SAMSN1: variants seen among roughly 807,000 people sequenced by gnomAD.
The protein encoded by SAMSN1 is SAM domain-containing protein SAMSN-1.
In SAMSN1, 31 loss-of-function variants were observed where a neutral mutation model predicts 42.0. The observed-to-expected ratio is 0.74, with a 90% confidence interval of 0.55 to 1.00. The LOEUF (loss-of-function observed/expected upper bound fraction) is 1.00, where lower values mean the gene tolerates loss of function less well. Ranked by LOEUF, SAMSN1 falls within the 50% of genes least tolerant of loss-of-function variation. The pLI is 0.00. For missense variants in SAMSN1, 464 were observed against 439.4 expected, an observed-to-expected ratio of 1.06 and a Z score of -0.50; for synonymous variants, 178 against 151.9, an observed-to-expected ratio of 1.17 and a Z score of -1.26.
At chr21:14,626,847 A>G (rs1983190306) in intron 2 of SAMSN1, among the ~76,000 whole-genome samples, 1 of 152,224 alleles carries the variant, frequency 6.6e-6, no homozygotes, top group Non-Finnish European at 1.5e-5. Context: ...TTGTGGCACT[A>G]TTCACAATAG....
chr21:14,521,090 C>T, intron 2 of SAMSN1, 60 bp downstream of exon 2: 2 of 1,067,198 alleles, frequency 1.9e-6, no homozygotes, highest in South Asian at 2.9e-5. Context: ...GTGACATTGT[C>T]TTCATAATAT....
At chr21:14,642,077 A>G (rs1983610564) in intron 2 of SAMSN1, among the ~76,000 whole-genome samples, 1 of 152,244 alleles carries the variant, frequency 6.6e-6, no homozygotes, top group African/African-American at 2.4e-5. Flanking sequence ...GTGGATCATC[A>G]TAAAGGTCTT....
chr21:14,580,330 A>G (rs2123240939), intron 2 of SAMSN1, among the ~76,000 whole-genome samples: 1 of 152,338 alleles, frequency 6.6e-6, no homozygotes, highest in Non-Finnish European at 1.5e-5. Context: ...CAGACTGATG[A>G]AATCCAGAAA....
chr21:14,494,223 G>GTA (rs1986814611), intron 7 of SAMSN1, among the ~76,000 whole-genome samples: 1 of 152,018 alleles, frequency 6.6e-6, no homozygotes, highest in East Asian at 1.9e-4. Flanking sequence ...TATACCCAAA[G>GTA]GATTATAAAT....
chr21:14,527,771 A>C (rs999484526), intron 1 of SAMSN1, among the ~76,000 whole-genome samples: 1 of 151,590 alleles, frequency 6.6e-6, no homozygotes, highest in Non-Finnish European at 1.5e-5. Context: ...AAAAAAAAAA[A>C]AAAAAAAAAA....
intron 5 of SAMSN1, chr21:14,602,181 T>C (rs1028078739): frequency 3.0e-5 from 13 of 432,762 alleles, no homozygotes; most frequent in Non-Finnish European, 3.9e-5. Flanking sequence ...AACACTCATG[T>C]TTTTATTTAG....
At chr21:14,511,910 G>C (rs1220066184) in intron 4 of SAMSN1, among the ~76,000 whole-genome samples, 1 of 151,902 alleles carries the variant, frequency 6.6e-6, no homozygotes, top group Middle Eastern at 3.2e-3. Flanking sequence ...ATTAATGCTG[G>C]GTTAAGATCT....
rs961764537 is a variant in SAMSN1, at chr21:14,644,430, A to G, written c.25-1297T>C. Among the ~76,000 whole-genome samples the G allele has an allele frequency of 1.6e-4, 24 of 151,940 alleles. 1 individual carries two copies. Among genetic ancestry groups the G allele is most frequent in the Non-Finnish European group, 3.2e-4 (22 of 67,942 alleles). On this transcript the variant is annotated intron_variant, in intron 1 of 15. Transcript: ENST00000647101. ...CTAGGCAACCTTGGGCCAGAAGGAA[A>G]CCGCTGCCCTGAAGGAAAGGGTTCA...
intron 2 of SAMSN1, among the ~76,000 whole-genome samples, chr21:14,624,449 T>A (rs1983107235): frequency 6.6e-6 from 1 of 151,900 alleles, no homozygotes; most frequent in Non-Finnish European, 1.5e-5. Flanking sequence ...GGGGATATCA[T>A]CACCAATCCC....
intron 1 of SAMSN1, among the ~76,000 whole-genome samples, chr21:14,656,946 A>T (rs573491369): frequency 1.3e-5 from 2 of 151,812 alleles, no homozygotes; most frequent in South Asian, 2.1e-4. Flanking sequence ...CTTTCCATTA[A>T]ACCAGTGGTT....
intron 7 of SAMSN1, among the ~76,000 whole-genome samples, chr21:14,487,540 A>T (rs1986491126): frequency 6.6e-6 from 1 of 152,160 alleles, no homozygotes; most frequent in South Asian, 2.1e-4. Context: ...GTTAAGCATC[A>T]TCCATGGGAG....
At chr21:14,575,854 C>T (rs573650700) in intron 2 of SAMSN1, among the ~76,000 whole-genome samples, 3 of 152,184 alleles carry the variant, frequency 2.0e-5, no homozygotes, top group Non-Finnish European at 4.4e-5. Flanking sequence ...TGTCTTTTTA[C>T]TGGTCCTCTC....
chr21:14,623,219 A>C (rs1983062438), intron 2 of SAMSN1, among the ~76,000 whole-genome samples: 1 of 152,222 alleles, frequency 6.6e-6, no homozygotes, highest in Non-Finnish European at 1.5e-5. Context: ...AACTAACGAG[A>C]AAAATAAACA....
chr21:14,527,760 T>TAAAAA (rs71183427), intron 1 of SAMSN1, among the ~76,000 whole-genome samples: 2 of 107,876 alleles, frequency 1.9e-5, no homozygotes, highest in African/African-American at 9.0e-5. Context: ...AAACTAGAAC[T>TAAAAA]AAAAAAAAAA....
intron 2 of SAMSN1, among the ~76,000 whole-genome samples, chr21:14,571,132 T>C (rs1420491064): frequency 6.6e-6 from 1 of 152,234 alleles, no homozygotes; most frequent in African/African-American, 2.4e-5. Context: ...ATCATAGCTC[T>C]TATCAAAGCT....
chr21:14,601,723 G>A (rs1219081902), intron 6 of SAMSN1, among the ~76,000 whole-genome samples: 2 of 152,130 alleles, frequency 1.3e-5, no homozygotes, highest in Non-Finnish European at 2.9e-5. Flanking sequence ...TTTAGCATAG[G>A]TCTTGACAGG....
intron 6 of SAMSN1, among the ~76,000 whole-genome samples, chr21:14,596,807 G>A (rs1050709029): frequency 5.3e-5 from 8 of 152,080 alleles, no homozygotes; most frequent in East Asian, 3.9e-4. Context: ...CACCTTGAGC[G>A]ACACTAACCA....
intron 2 of SAMSN1, among the ~76,000 whole-genome samples, chr21:14,637,727 G>T (rs1449623160): frequency 6.6e-6 from 1 of 152,066 alleles, no homozygotes; most frequent in Non-Finnish European, 1.5e-5. Flanking sequence ...AAAAAAAAAG[G>T]TCTTAATCTA....
At chr21:14,636,597 C>T (rs1365073383) in intron 2 of SAMSN1, among the ~76,000 whole-genome samples, 2 of 152,132 alleles carry the variant, frequency 1.3e-5, no homozygotes, top group East Asian at 3.9e-4. Context: ...AATACCAGCA[C>T]TTTAGGAGGT....
Sources: gnomAD v4.1 joint callset for allele counts (sites outside exome capture counted in the v4.1 genomes callset) on GRCh38, gnomAD v4.1.1 for gene constraint, MANE v1.5 for transcripts, NCBI Gene and HGNC (gene_info 2026-07-23, HGNC 2026-07-21) for gene names.